The following GNG12 variants were observed in gnomAD, a reference collection of about 807,000 sequenced individuals.
GNG12 encodes the protein guanine nucleotide-binding protein G(I)/G(S)/G(O) subunit gamma-12.
For synonymous variants in GNG12, 28 were observed against 29.7 expected (o/e 0.94, Z 0.19); for missense variants, 69 against 83.8 (o/e 0.82, Z 0.69).
intron 2 of GNG12, among the ~76,000 whole-genome samples, chr1:67,747,437 G>A (rs1472975771): frequency 1.3e-5 from 2 of 152,146 alleles, no homozygotes; most frequent in East Asian, 3.9e-4. Context: ...AATCTATTGA[G>A]TGTTCGATGG....
At chr1:67,707,430 T>C (rs79200138) in intron 3 of GNG12, among the ~76,000 whole-genome samples, 164 bp downstream of exon 3, 2,942 of 152,270 alleles carry the variant, frequency 0.019, 108 homozygotes, top group African/African-American at 0.067. Flanking sequence ...GCCCATGCTA[T>C]ATAGGAAAAT....
At chr1:67,793,725 C>A (rs1016620816) in intron 1 of GNG12, among the ~76,000 whole-genome samples, 1 of 152,160 alleles carries the variant, frequency 6.6e-6, no homozygotes, top group East Asian at 1.9e-4. Flanking sequence ...TGAATGACCC[C>A]CAAATTCCTG....
chr1:67,776,384 C>T (rs994091682), intron 2 of GNG12, among the ~76,000 whole-genome samples: 1 of 152,148 alleles, frequency 6.6e-6, no homozygotes, highest in African/African-American at 2.4e-5. Context: ...TGTATCCATG[C>T]TCCTTGAAAT....
chr1:67,833,288 C>A (rs895486372), intron 1 of GNG12, 56 bp downstream of exon 1: 7 of 682,410 alleles, frequency 1.0e-5, no homozygotes, highest in Non-Finnish European at 1.1e-5. Flanking sequence ...CCCCGCGCCG[C>A]GCCCCGACCC....
chr1:67,715,475 G>C (rs1038174359), intron 2 of GNG12, among the ~76,000 whole-genome samples: 3 of 152,188 alleles, frequency 2.0e-5, no homozygotes, highest in Non-Finnish European at 4.4e-5. Context: ...AAGTGAGGAG[G>C]CCAGTTTCTT....
chr1:67,778,421 G>C (rs1302836242), intron 1 of GNG12, among the ~76,000 whole-genome samples: 2 of 152,102 alleles, frequency 1.3e-5, no homozygotes, highest in South Asian at 2.1e-4. Context: ...TATTGGTAAG[G>C]CTTCAAGAAG....
At chr1:67,720,539 A>G (rs1426564735) in intron 2 of GNG12, among the ~76,000 whole-genome samples, 2 of 152,250 alleles carry the variant, frequency 1.3e-5, no homozygotes, top group Admixed American at 1.3e-4. Context: ...AGATGAATGG[A>G]TAAATTCAGC....
intron 2 of GNG12, among the ~76,000 whole-genome samples, chr1:67,749,668 A>C (rs1646527302): frequency 6.6e-6 from 1 of 152,168 alleles, no homozygotes; most frequent in Non-Finnish European, 1.5e-5. Flanking sequence ...ATCAGGACAG[A>C]CTGGTTGATC....
chr1:67,789,510 T>C (rs1570550544), intron 1 of GNG12, among the ~76,000 whole-genome samples: 1 of 152,322 alleles, frequency 6.6e-6, no homozygotes, highest in African/African-American at 2.4e-5. Flanking sequence ...TCCGGTTTTA[T>C]TGGAGTAGTC....
chr1:67,806,632 G>A (rs1646895886), intron 1 of GNG12, among the ~76,000 whole-genome samples: 1 of 151,992 alleles, frequency 6.6e-6, no homozygotes, highest in Non-Finnish European at 1.5e-5. Flanking sequence ...AGAGAAAACA[G>A]GAGTAGCTAT....
chr1:67,810,735 T>C (rs1646920022), intron 1 of GNG12, among the ~76,000 whole-genome samples: 1 of 152,076 alleles, frequency 6.6e-6, no homozygotes, highest in African/African-American at 2.4e-5. Context: ...GGAAGGTGAG[T>C]GGCATTTTGG....
chr1:67,708,193 G>A (rs1646261245), intron 2 of GNG12, among the ~76,000 whole-genome samples: 1 of 152,198 alleles, frequency 6.6e-6, no homozygotes, highest in Admixed American at 6.5e-5. Flanking sequence ...AACAGAAAAT[G>A]AGAAGAGAGC....
At chr1:67,782,067 T>C (rs771752627) in intron 1 of GNG12, among the ~76,000 whole-genome samples, 12 of 152,184 alleles carry the variant, frequency 7.9e-5, no homozygotes, top group Non-Finnish European at 1.5e-5. Context: ...ACAGGTACTA[T>C]ATGGTTTCAC....
rs1276204641 is a variant in GNG12 at position 67,782,017 on chromosome 1, T to C, written c.-76-4510A>G. ...CCAGTTGTATGAGCCACATTTCAAG[T>C]GGCCAAGCAGCCACAGAGGCAGCTA... On this transcript the variant is annotated intron_variant, in intron 1 of 3. Coordinates refer to ENST00000370982, the MANE Select transcript of GNG12 (RefSeq NM_018841.6). 2.6e-5 allele frequency among the ~76,000 whole-genome samples: 4 copies of C among 152,122 alleles called. No homozygotes were observed. In the East Asian group the frequency reaches 7.7e-4, roughly 29 times the overall value.
chr1:67,715,817 T>C (rs1186376458), intron 2 of GNG12, among the ~76,000 whole-genome samples: 1 of 152,272 alleles, frequency 6.6e-6, no homozygotes, highest in South Asian at 2.1e-4. Context: ...TGATTCACAA[T>C]TGTTAAATCT....
At chr1:67,794,199 G>C (rs908685620) in intron 1 of GNG12, among the ~76,000 whole-genome samples, 6 of 152,170 alleles carry the variant, frequency 3.9e-5, no homozygotes, top group Admixed American at 6.5e-5. Flanking sequence ...ACCTAAGGTT[G>C]TCCATCCACC....
intron 2 of GNG12, among the ~76,000 whole-genome samples, chr1:67,741,861 C>T (rs1570504555): frequency 6.6e-6 from 1 of 152,140 alleles, no homozygotes; most frequent in East Asian, 1.9e-4. Flanking sequence ...ATCCAGATTT[C>T]TGGCTTCTTT....
At chr1:67,750,352 C>T (rs1646531494) in intron 2 of GNG12, among the ~76,000 whole-genome samples, 1 of 152,200 alleles carries the variant, frequency 6.6e-6, no homozygotes, top group Non-Finnish European at 1.5e-5. Flanking sequence ...GCCTCACATC[C>T]CTCTTTCACA....
intron 2 of GNG12, among the ~76,000 whole-genome samples, chr1:67,736,394 C>T (rs144520139): frequency 6.6e-6 from 1 of 152,266 alleles, no homozygotes; most frequent in East Asian, 1.9e-4. Context: ...GCACAGCCCA[C>T]AGTTCCAGAA....
Sources: gnomAD v4.1 joint callset for allele counts (sites outside exome capture counted in the v4.1 genomes callset) on GRCh38, gnomAD v4.1.1 for gene constraint, MANE v1.5 for transcripts, NCBI Gene and HGNC (gene_info 2026-07-23, HGNC 2026-07-21) for gene names.